The following LHX1 variants were observed in gnomAD, a reference collection of about 807,000 sequenced individuals.
The protein encoded by LHX1 is LIM/homeobox protein Lhx1.
Under a neutral mutation model 34.1 loss-of-function variants are expected in LHX1, and 9 were observed. The observed-to-expected ratio is 0.26, with a 90% CI of 0.16 to 0.46. LHX1 has a LOEUF of 0.46. LHX1 is among the 20% of genes least tolerant of loss of function. The probability of loss-of-function intolerance (pLI) is 1.00; values close to 1 mark genes in which losing one functional copy is unlikely to be tolerated. For synonymous variants in LHX1, 254 were observed against 241.5 expected (o/e 1.05, Z -0.48); for missense variants, 446 against 559.1 (o/e 0.80, Z 2.04).
At chr17:36,941,737 A>C (rs1457305609) in intron 3 of LHX1, among the ~76,000 whole-genome samples, 1 of 152,188 alleles carries the variant, frequency 6.6e-6, no homozygotes, top group African/African-American at 2.4e-5. Context: ...GAGATTGTAC[A>C]TGGGTGTGAA....
intron 1 of LHX1, chr17:36,938,919 A>C: frequency 4.3e-6 from 1 of 230,512 alleles, no homozygotes; most frequent in Non-Finnish European, 8.8e-6. Flanking sequence ...TCTTCCCCAA[A>C]CCCGGACATG....
In LHX1 at chr17:36,937,649, G is replaced by A. The variant is rs2070735757; in HGVS notation, c.-549G>A. On this transcript the variant is annotated 5_prime_UTR_variant, in exon 1 of 5. Transcript: ENST00000614239. ...TCTTTCCTTCCCTTTTTTAAAAAAA[G>A]AGGGGGGAAATCCCAGTGGTGGGCA... 1 of 345,282 alleles carries A rather than the reference G, an allele frequency of 2.9e-6. No individual in the cohort carries two copies. 21.4% of individuals were successfully genotyped at this position (345,282 alleles called of 1,614,324 possible).
Position 36,943,491 on chromosome 17 carries a change from C to T in LHX1, c.*360C>T. The stretch of plus-strand genomic sequence containing the variant: ...CGTCCAGGGCAGCCGCGGGTGCGCA[C>T]AGCCGTTGGCGATGCCAGGAGCCGT... On this transcript the variant is annotated 3_prime_UTR_variant, in exon 5 of 5. Transcript: ENST00000614239. 4.3e-6 allele frequency: 1 copy of T among 231,660 alleles called. No homozygotes were observed. The highest frequency in any genetic ancestry group is 8.3e-6 in the Non-Finnish European group (1 of 119,890). 14.4% of individuals were successfully genotyped at this position (231,660 alleles called of 1,614,324 possible). A position where few individuals can be genotyped will look rare whatever the true frequency, so the allele number is the denominator to read the frequency against.
rs1205416173 is a variant in LHX1 at position 36,942,862 on chromosome 17, G to A, written c.952G>A (p.Gly318Arg). 2.5e-6 allele frequency: 4 copies of A among 1,592,522 alleles called. No homozygotes were observed. Among genetic ancestry groups the A allele is most frequent in the Non-Finnish European group, 3.4e-6 (4 of 1,168,522 alleles). The change falls in exon 5 of 5, where the codon GGG becomes AGG. Residue 318 changes from glycine (G) to arginine (R), a missense_variant. Physicochemically the swap from Gly to Arg is moderately radical, Grantham distance 125 (BLOSUM62 -2). This residue lies in a region of LHX1 where 235 missense variants were observed against 224.4 expected (regional missense o/e 1.05). Transcript: ENST00000614239. Reference sequence around the variant, plus strand: ...GGACCTACCCTTCGTGCCGTCATCTGGGCCGTCCGGGACGCCCCTGGGTGG... The same window carrying A: ...GGACCTACCCTTCGTGCCGTCATCTAGGCCGTCCGGGACGCCCCTGGGTGG... ...PVDLPFVPSS[G>R]PSGTPLGGLE...
chr17:36,942,918 G>T lies in LHX1; in HGVS notation c.1008G>T (p.Pro336=). 6.2e-7 allele frequency: 1 copy of T among 1,602,296 alleles called. No individual in the cohort carries two copies. Residue 336 remains proline (P), a synonymous_variant, in exon 5 of 5, where the codon CCG becomes CCT. Coordinates refer to ENST00000614239, the MANE Select transcript of LHX1 (RefSeq NM_005568.5). The part of the protein sequence containing the change: ...GLEHPLPGHH[P]SSEAQRFTDI... Reference sequence around the variant, plus strand: ...AGCACCCGCTGCCGGGCCACCACCCGTCGAGCGAGGCGCAGCGGTTTACCG... The same window carrying T: ...AGCACCCGCTGCCGGGCCACCACCCTTCGAGCGAGGCGCAGCGGTTTACCG...
chr17:36,937,301 C>G (rs940921308), upstream of LHX1: 2 of 425,266 alleles, frequency 4.7e-6, no homozygotes, highest in Non-Finnish European at 9.4e-6. Flanking sequence ...GGAGGGTCGC[C>G]CTGAGGACAC....
chr17:36,942,441 G>C, intron 4 of LHX1, 76 bp downstream of exon 4: 1 of 1,425,354 alleles, frequency 7.0e-7, no homozygotes, highest in East Asian at 2.5e-5. Flanking sequence ...GCGCGGGGGG[G>C]CACGCCTCGC....
intron 1 of LHX1, 25 bp from the exon 2 acceptor site, chr17:36,940,263 CCG>C: frequency 2.5e-6 from 1 of 397,108 alleles, no homozygotes; most frequent in Non-Finnish European, 4.6e-6. Context: ...ATCCCCGCCC[CCG>C]CCCCCCACCC....
intron 1 of LHX1, 135 bp downstream of exon 1, chr17:36,938,502 C>A: frequency 1.2e-6 from 1 of 851,462 alleles, no homozygotes; most frequent in Non-Finnish European, 1.9e-6. Context: ...GTCCCGCGGG[C>A]GCCCGCCTCT....
chr17:36,940,258 C>CGGGGGGGGGGGGGGGGGGGGGGGGGGGGG, intron 1 of LHX1, 32 bp from the exon 2 acceptor site: 3 of 528,908 alleles, frequency 5.7e-6, no homozygotes, highest in Non-Finnish European at 6.7e-6. Flanking sequence ...GACCCATCCC[C>CGGGGGGGGGGGGGGGGGGGGGGGGGGGGG]GCCCCCGCCC....
rs1432456340 is a variant in LHX1 at position 36,943,287 on chromosome 17, G to A, written c.*156G>A. On this transcript the variant is annotated 3_prime_UTR_variant, in exon 5 of 5. Transcript: ENST00000614239. The stretch of plus-strand genomic sequence containing the variant: ...CTGGGGAGACCGGATGGAAAAGGGG[G>A]ACACGAAATAGGATCCAAATCGGCC... 2.2e-6 allele frequency: 2 copies of A among 913,114 alleles called. No individual in the cohort carries two copies. Among genetic ancestry groups the A allele is most frequent in the Non-Finnish European group, 3.2e-6 (2 of 629,818 alleles). The allele number at this position is 913,114 out of a possible 1,614,324, so 56.6% of individuals were successfully genotyped here.
chr17:36,942,605 G>A, intron 4 of LHX1, 147 bp from the exon 5 acceptor site: 1 of 1,011,450 alleles, frequency 9.9e-7, no homozygotes, highest in Non-Finnish European at 1.4e-6. Flanking sequence ...CCTCCTCCCT[G>A]CACCCAGGCC....
rs980698172 is a variant in LHX1 at position 36,937,513 on chromosome 17, C to A, written c.-685C>A. Reference sequence around the variant, plus strand: ...CCTACCCTCCCCTCTTTCCCTTCTCCCGCGGTCGGCCCTCGCCCCCTCCCC... The same window carrying A: ...CCTACCCTCCCCTCTTTCCCTTCTCACGCGGTCGGCCCTCGCCCCCTCCCC... On this transcript the variant is annotated 5_prime_UTR_variant, in exon 1 of 5. Coordinates refer to ENST00000614239, the MANE Select transcript of LHX1 (RefSeq NM_005568.5). 3.1e-6 allele frequency: 1 copy of A among 317,992 alleles called. No homozygotes were observed. The highest frequency in any genetic ancestry group is 6.2e-6 in the Non-Finnish European group (1 of 162,418). The allele number at this position is 317,992 out of a possible 1,614,324, so 19.7% of individuals were successfully genotyped here. A position where few individuals can be genotyped will look rare whatever the true frequency, so the allele number is the denominator to read the frequency against.
upstream of LHX1, chr17:36,937,064 G>T: frequency 6.4e-6 from 2 of 313,474 alleles, no homozygotes. Flanking sequence ...AAGGAAGGAG[G>T]CTAGAAAGGA....
Position 36,943,430 on chromosome 17 carries a change from C to A in LHX1, c.*299C>A, listed in dbSNP as rs996602356. 10 of 348,300 alleles carry A rather than the reference C, an allele frequency of 2.9e-5. No homozygotes were observed. The highest frequency in any genetic ancestry group is 5.2e-5 in the Non-Finnish European group (10 of 193,932). The allele number at this position is 348,300 out of a possible 1,614,324, so 21.6% of individuals were successfully genotyped here. ...GACCCGGATCCGTAGACAGACCCCG[C>A]GGGCGTGTGCGCCTGGCAGGCGGGC... On this transcript the variant is annotated 3_prime_UTR_variant, in exon 5 of 5. Coordinates refer to ENST00000614239, the MANE Select transcript of LHX1 (RefSeq NM_005568.5).
Position 36,943,183 on chromosome 17 carries a change from A to G in LHX1, c.*52A>G, listed in dbSNP as rs777040308. 3.4e-6 allele frequency: 5 copies of G among 1,475,816 alleles called. No individual in the cohort carries two copies. The highest frequency in any genetic ancestry group is 4.5e-6 in the Non-Finnish European group (5 of 1,103,360). 91.4% of individuals were successfully genotyped at this position (1,475,816 alleles called of 1,614,324 possible). A position where few individuals can be genotyped will look rare whatever the true frequency, so the allele number is the denominator to read the frequency against. On this transcript the variant is annotated 3_prime_UTR_variant, in exon 5 of 5. Coordinates refer to ENST00000614239, the MANE Select transcript of LHX1 (RefSeq NM_005568.5). ...CGTGGTTGTACAGAAATGAACCTTTATTTAAGAAAAATAGAAAAAAAAAAA... is the reference window on the plus strand; with the variant it reads ...CGTGGTTGTACAGAAATGAACCTTTGTTTAAGAAAAATAGAAAAAAAAAAA...
intron 1 of LHX1, chr17:36,940,076 G>T (rs1318989671): frequency 3.3e-6 from 2 of 603,864 alleles, no homozygotes; most frequent in East Asian, 2.7e-5. Context: ...CTGGTGCCGC[G>T]CTCTCTCTCC....
At position 36,943,197 on chromosome 17, in the gene LHX1, G is replaced by GGAA; in HGVS notation, c.*66_*67insGAA. On this transcript the variant is annotated 3_prime_UTR_variant, in exon 5 of 5. Transcript: ENST00000614239. ...AATGAACCTTTATTTAAGAAAAATA[G>GGAA]AAAAAAAAAAACATAAAAAGCAAGT... is the stretch of plus-strand genomic sequence containing the variant. The GGAA allele has an allele frequency of 7.7e-7, 1 of 1,303,846 alleles. No homozygotes were observed. The allele number at this position is 1,303,846 out of a possible 1,614,324, so 80.8% of individuals were successfully genotyped here.
chr17:36,940,394 T>C lies in LHX1; in HGVS notation c.275T>C (p.Met92Thr). ...TTTCACCTGAACTGCTTCACCTGCATGATGTGTAACAAGCAGCTCTCCACT... is the reference window on the plus strand; with the variant it reads ...TTTCACCTGAACTGCTTCACCTGCACGATGTGTAACAAGCAGCTCTCCACT... ...KVFHLNCFTCMMCNKQLSTGE... is the reference protein window; with the variant it reads ...KVFHLNCFTCTMCNKQLSTGE... The change falls in exon 2 of 5, where the codon ATG (methionine) becomes ACG (threonine). Residue 92 changes from methionine (M) to threonine (T), a missense_variant. Physicochemically the swap from Met to Thr is moderately conservative, Grantham distance 81 (BLOSUM62 -1). Around this residue, in one of 3 missense-constraint regions of LHX1, gnomAD observed 168 missense variants for 226.6 expected, o/e 0.74. Coordinates refer to ENST00000614239, the MANE Select transcript of LHX1 (RefSeq NM_005568.5). 1 of 1,613,948 alleles carries C rather than the reference T, an allele frequency of 6.2e-7. No homozygotes were observed. The highest frequency in any genetic ancestry group is 8.5e-7 in the Non-Finnish European group (1 of 1,180,008).
Sources: allele counts gnomAD v4.1 joint callset (sites outside exome capture counted in the v4.1 genomes callset), GRCh38; gene constraint gnomAD v4.1.1; regional missense constraint gnomAD v4.1.1; transcripts MANE v1.5; gene names NCBI Gene and HGNC (gene_info 2026-07-23, HGNC 2026-07-21).